The following GRM5 variants were observed in gnomAD, a reference collection of about 807,000 sequenced individuals.
GRM5 encodes the protein metabotropic glutamate receptor 5.
GRM5 carries 19 observed loss-of-function variants against 83.1 expected under a neutral mutation model. The observed-to-expected ratio is 0.23, with a 90% CI of 0.16 to 0.34. The LOEUF (loss-of-function observed/expected upper bound fraction) is 0.34. Among genes scored for constraint, GRM5 ranks in the 10% least tolerant of loss-of-function variants. GRM5 has a pLI of 1.00. For missense variants in GRM5, 1,160 were observed against 1,588.3 expected (o/e 0.73, Z 4.58); for synonymous variants, 675 against 633.6 (o/e 1.07, Z -0.98).
At chr11:88,847,016 G>A (rs1944312918) in intron 3 of GRM5, among the ~76,000 whole-genome samples, 1 of 152,140 alleles carries the variant, frequency 6.6e-6, no homozygotes, top group Admixed American at 6.5e-5. Flanking sequence ...TGGATTATAA[G>A]TTATGGTAGT....
At chr11:88,957,517 A>G (rs76703403) in intron 2 of GRM5, among the ~76,000 whole-genome samples, 8,484 of 152,292 alleles carry the variant, frequency 0.056, 778 homozygotes, top group African/African-American at 0.19. Context: ...AAGATAAGAA[A>G]AAAATGAGGT....
chr11:88,953,810 T>G, intron 2 of GRM5, among the ~76,000 whole-genome samples: 1 of 152,194 alleles, frequency 6.6e-6, no homozygotes, highest in East Asian at 1.9e-4. Flanking sequence ...ATTGAGTGCT[T>G]TATGATGCTA....
intron 2 of GRM5, among the ~76,000 whole-genome samples, chr11:88,909,028 T>G (rs1158150725): frequency 3.3e-5 from 5 of 152,132 alleles, no homozygotes. Flanking sequence ...GCCGAAGTCC[T>G]TTCTTGGAGA....
Position 89,020,656 on chromosome 11 carries a change from G to A in GRM5, c.661+26556C>T, listed in dbSNP as rs191855794. On this transcript the variant is annotated intron_variant, in intron 2 of 9. Transcript: ENST00000305447. ...TAGACACAGAACCGGAGGAACCATC[G>A]ATTCCAGCTTCATGCCTATCTGGTT... Among the ~76,000 whole-genome samples the A allele has an allele frequency of 2.6e-5, 4 of 152,128 alleles. No homozygotes were observed. The South Asian group carries it at 6.2e-4, about 24-fold the overall frequency.
intron 8 of GRM5, among the ~76,000 whole-genome samples, chr11:88,553,379 C>T (rs1213886982): frequency 6.6e-6 from 1 of 152,094 alleles, no homozygotes; most frequent in Non-Finnish European, 1.5e-5. Flanking sequence ...AGAGATGTGT[C>T]CACAGTTCAC....
At chr11:88,733,908 CTT>C (rs1351123384) in intron 3 of GRM5, among the ~76,000 whole-genome samples, 1 of 151,912 alleles carries the variant, frequency 6.6e-6, no homozygotes, top group Non-Finnish European at 1.5e-5. Flanking sequence ...CAATCCCACC[CTT>C]ACCTTAGAGG....
chr11:88,648,099 T>A (rs1221701434), intron 4 of GRM5, among the ~76,000 whole-genome samples: 1 of 152,160 alleles, frequency 6.6e-6, no homozygotes, highest in Non-Finnish European at 1.5e-5. Context: ...AGTGTGGCGA[T>A]TCCTCAGGGA....
intron 2 of GRM5, among the ~76,000 whole-genome samples, chr11:88,876,884 TA>T (rs368043774): frequency 2.6e-5 from 4 of 151,930 alleles, no homozygotes; most frequent in South Asian, 2.1e-4. Context: ...TACTCAGCCA[TA>T]AAAAAAGAAT....
rs150846180 is a variant in GRM5 at position 89,019,907 on chromosome 11, G to T, written c.661+27305C>A. 4.7e-4 allele frequency among the ~76,000 whole-genome samples: 72 copies of T among 152,234 alleles called. No individual in the cohort carries two copies. In the East Asian group the frequency reaches 0.013, roughly 29 times the overall value. On this transcript the variant is annotated intron_variant, in intron 2 of 9. Coordinates refer to ENST00000305447, the MANE Select transcript of GRM5 (RefSeq NM_001143831.3). ...TGAGAGATGTGACATGGCTCTGGAGGCCCCTCTTATTATGATTTTCTTCAT... is the reference window on the plus strand; with the variant it reads ...TGAGAGATGTGACATGGCTCTGGAGTCCCCTCTTATTATGATTTTCTTCAT...
intron 1 of GRM5, among the ~76,000 whole-genome samples, chr11:89,059,458 C>CA (rs1941943779): frequency 6.6e-6 from 1 of 151,928 alleles, no homozygotes; most frequent in Non-Finnish European, 1.5e-5. Flanking sequence ...TAGTAGAATT[C>CA]AAAAAAATTG....
chr11:88,596,831 A>G (rs1338943081), intron 6 of GRM5, among the ~76,000 whole-genome samples: 1 of 152,030 alleles, frequency 6.6e-6, no homozygotes, highest in African/African-American at 2.4e-5. Flanking sequence ...ATTTTTGCCT[A>G]ATCAATATTA....
chr11:89,053,074 G>C (rs1403227030), intron 1 of GRM5, among the ~76,000 whole-genome samples: 3 of 152,054 alleles, frequency 2.0e-5, no homozygotes, highest in Admixed American at 6.5e-5. Context: ...ATGAAAACAA[G>C]AAGGGCCACC....
At chr11:88,861,634 T>G (rs1944564918) in intron 2 of GRM5, among the ~76,000 whole-genome samples, 1 of 151,752 alleles carries the variant, frequency 6.6e-6, no homozygotes, top group Non-Finnish European at 1.5e-5. Flanking sequence ...CCCAGATAAT[T>G]TTTGTATTTT....
intron 2 of GRM5, among the ~76,000 whole-genome samples, chr11:88,939,891 C>G (rs621418): frequency 0.52 from 78,526 of 151,486 alleles, 21,334 homozygotes; most frequent in South Asian, 0.67. Flanking sequence ...AAGTGAGAAG[C>G]AGCAGACCAT....
intron 3 of GRM5, among the ~76,000 whole-genome samples, chr11:88,815,729 G>A (rs1943664233): frequency 2.0e-5 from 3 of 152,196 alleles, no homozygotes; most frequent in African/African-American, 4.8e-5. Context: ...AACTAACAGA[G>A]TGAGAACTCA....
At chr11:88,957,116 C>A (rs1409310208) in intron 2 of GRM5, among the ~76,000 whole-genome samples, 1 of 152,116 alleles carries the variant, frequency 6.6e-6, no homozygotes, top group Non-Finnish European at 1.5e-5. Context: ...ATTCTGTCAA[C>A]GTAAGTTGGA....
chr11:88,733,669 C>T (rs1415656062), intron 3 of GRM5, among the ~76,000 whole-genome samples: 1 of 151,960 alleles, frequency 6.6e-6, no homozygotes, highest in East Asian at 1.9e-4. Context: ...TTTGTGGTTA[C>T]ATATTAAGAT....
intron 3 of GRM5, among the ~76,000 whole-genome samples, chr11:88,814,203 C>G (rs1277458201): frequency 6.6e-6 from 1 of 152,024 alleles, no homozygotes; most frequent in Non-Finnish European, 1.5e-5. Flanking sequence ...AAATGAGAAA[C>G]AAACAAGATG....
chr11:88,982,460 A>T (rs1008650088), intron 2 of GRM5, among the ~76,000 whole-genome samples: 10 of 152,158 alleles, frequency 6.6e-5, no homozygotes, highest in African/African-American at 2.4e-4. Flanking sequence ...TGTCATTGCC[A>T]AATTATTTTA....
Sources: allele counts gnomAD v4.1 joint callset (sites outside exome capture counted in the v4.1 genomes callset), GRCh38; gene constraint gnomAD v4.1.1; transcripts MANE v1.5; gene names NCBI Gene and HGNC (gene_info 2026-07-23, HGNC 2026-07-21).